The following ZFHX4 variants were observed in gnomAD, a reference collection of about 807,000 sequenced individuals.
The protein encoded by ZFHX4 is zinc finger homeobox 4, also known as zinc finger homeobox protein 4.
Under a neutral mutation model 267.6 loss-of-function variants are expected in ZFHX4, and 56 were observed. That is an observed-to-expected ratio of 0.21 (90% CI 0.17 to 0.26). The LOEUF is 0.26. ZFHX4 is among the 10% of genes least tolerant of loss of function. ZFHX4 has a pLI of 1.00. For synonymous variants in ZFHX4, 1,778 were observed against 1,665.6 expected (o/e 1.07, Z -1.64); for missense variants, 4,332 against 4,420.0 (o/e 0.98, Z 0.56).
intron 1 of ZFHX4, among the ~76,000 whole-genome samples, chr8:76,697,483 C>T (rs894650221): frequency 2.0e-5 from 3 of 151,978 alleles, no homozygotes; most frequent in African/African-American, 4.8e-5. Context: ...TAGTCAGTTA[C>T]ATCTTAAAGA....
chr8:76,820,308 A>G (rs1377694411), intron 4 of ZFHX4, among the ~76,000 whole-genome samples: 1 of 151,972 alleles, frequency 6.6e-6, no homozygotes, highest in Admixed American at 6.6e-5. Flanking sequence ...TTACTTTTGA[A>G]TTCTGGTAAT....
intron 3 of ZFHX4, among the ~76,000 whole-genome samples, chr8:76,730,945 A>G (rs1808993424): frequency 6.6e-6 from 1 of 152,212 alleles, no homozygotes; most frequent in African/African-American, 2.4e-5. Flanking sequence ...GCAGTTGTAC[A>G]GATTAGGAAA....
chr8:76,849,243 C>A, intron 7 of ZFHX4, 115 bp downstream of exon 7: 1 of 1,212,046 alleles, frequency 8.3e-7, no homozygotes, highest in Non-Finnish European at 1.1e-6. Context: ...TTGCAATTGG[C>A]AATGTAACTC....
intron 10 of ZFHX4, among the ~76,000 whole-genome samples, chr8:76,857,950 C>T (rs1237617107): frequency 2.0e-5 from 3 of 151,224 alleles, no homozygotes; most frequent in Non-Finnish European, 4.4e-5. Flanking sequence ...TTTCTGTGAT[C>T]AGTTAAGTAA....
chr8:76,811,155 C>A (rs1209822486), intron 4 of ZFHX4, among the ~76,000 whole-genome samples: 1 of 152,178 alleles, frequency 6.6e-6, no homozygotes, highest in Non-Finnish European at 1.5e-5. Flanking sequence ...GTCTCTGCCA[C>A]TCCAGGATCA....
rs770413497 is a variant in ZFHX4, at chr8:76,864,035, C to T, written c.10321C>T (p.Arg3441Cys). The change falls in exon 11 of 11, where the codon CGT (arginine) becomes TGT (cysteine). Residue 3441 changes from arginine to cysteine, a missense_variant. Physicochemically the swap from Arg to Cys is radical, Grantham distance 180. This residue lies in a region of ZFHX4 where 1,648 missense variants were observed against 1,625.0 expected (regional missense o/e 1.01). Coordinates refer to ENST00000651372, the MANE Select transcript of ZFHX4 (RefSeq NM_024721.5). Reference sequence around the variant, plus strand: ...GATTGACCCACAAGAGACAGTGCTTCGTGTCCCAGTCAGCAAATATCAGTG... The same window carrying T: ...GATTGACCCACAAGAGACAGTGCTTTGTGTCCCAGTCAGCAAATATCAGTG... The part of the protein sequence containing the change: ...PLIDPQETVL[R>C]VPVSKYQCLA... 1.1e-5 allele frequency: 18 copies of T among 1,613,842 alleles called. No individual in the cohort carries two copies. The highest frequency in any genetic ancestry group is 1.4e-5 in the Non-Finnish European group (17 of 1,179,858).
At chr8:76,689,187 C>T (rs543054224) in intron 1 of ZFHX4, among the ~76,000 whole-genome samples, 7 of 152,040 alleles carry the variant, frequency 4.6e-5, no homozygotes, top group African/African-American at 1.7e-4. Context: ...CTTTTACATG[C>T]AGAAGGGCTT....
chr8:76,747,994 A>G (rs1362741766), intron 3 of ZFHX4, among the ~76,000 whole-genome samples: 1 of 152,142 alleles, frequency 6.6e-6, no homozygotes, highest in Non-Finnish European at 1.5e-5. Context: ...CTGTTTCTGT[A>G]TCTTCCTTCT....
At position 76,855,286 on chromosome 8, in the gene ZFHX4, G is replaced by A; in HGVS notation, c.8365G>A (p.Ala2789Thr). ...EDVENLNAPP[A>T]EAGYDQNKTD... ...TGTAGAGAATTTAAATGCCCCTCCTGCTGAGGCTGGGTATGATCAAAATAA... is the reference window on the plus strand; with the variant it reads ...TGTAGAGAATTTAAATGCCCCTCCTACTGAGGCTGGGTATGATCAAAATAA... The change falls in exon 10 of 11, where the codon GCT becomes ACT. Residue 2789 changes from alanine (A) to threonine (T), a missense_variant. Ala to Thr is a moderately conservative substitution (Grantham distance 58). Coordinates refer to ENST00000651372, the MANE Select transcript of ZFHX4 (RefSeq NM_024721.5). 1.2e-6 allele frequency: 2 copies of A among 1,612,956 alleles called. No homozygotes were observed. Among genetic ancestry groups the A allele is most frequent in the Non-Finnish European group, 1.7e-6 (2 of 1,179,604 alleles).
rs1586008832 is a variant in ZFHX4 at position 76,850,746 on chromosome 8, C to G, written c.3965-140C>G. ...CCAGTACCCAGTCCAGTGCTTGCCACATAGTAGTTGCTCAGTAAACATTTA... is the reference window on the plus strand; with the variant it reads ...CCAGTACCCAGTCCAGTGCTTGCCAGATAGTAGTTGCTCAGTAAACATTTA... On this transcript the variant is annotated intron_variant, in intron 9 of 10. Transcript: ENST00000651372. 5 of 1,053,830 alleles carry G rather than the reference C, an allele frequency of 4.7e-6. No individual in the cohort carries two copies. The East Asian group carries it at 1.1e-4, about 23-fold the overall frequency. 65.3% of individuals were successfully genotyped at this position (1,053,830 alleles called of 1,614,324 possible).
At chr8:76,691,036 T>A (rs1041292897) in intron 1 of ZFHX4, among the ~76,000 whole-genome samples, 2 of 152,040 alleles carry the variant, frequency 1.3e-5, no homozygotes, top group Non-Finnish European at 2.9e-5. Context: ...GGCAGGAAAA[T>A]GTTGAGACAA....
At chr8:76,756,064 A>T (rs1809753102) in intron 3 of ZFHX4, among the ~76,000 whole-genome samples, 1 of 152,202 alleles carries the variant, frequency 6.6e-6, no homozygotes, top group Non-Finnish European at 1.5e-5. Flanking sequence ...TGAAGAAATC[A>T]TCAAAGAAGA....
chr8:76,850,350 G>A lies in ZFHX4; in HGVS notation c.3952G>A (p.Gly1318Arg). 6.2e-7 allele frequency: 1 copy of A among 1,611,128 alleles called. No homozygotes were observed. The highest frequency in any genetic ancestry group is 1.1e-5 in the South Asian group (1 of 90,244). Residue 1318 changes from glycine to arginine, a missense_variant, in exon 9 of 11, where the codon GGG becomes AGG. Gly to Arg is a moderately radical substitution (Grantham distance 125). This residue lies in a region of ZFHX4 where 1,371 missense variants were observed against 1,423.1 expected (regional missense o/e 0.96). Transcript: ENST00000651372. ...TPAAVTAEGS[G>R]KYSGESPMDD... is the part of the protein sequence containing the mutation. Reference sequence around the variant, plus strand: ...TGCAGCCGTGACAGCTGAGGGGTCTGGGAAATATTCAGGTATGCCATCTTA... The same window carrying A: ...TGCAGCCGTGACAGCTGAGGGGTCTAGGAAATATTCAGGTATGCCATCTTA...
In ZFHX4 at chr8:76,681,344, C is replaced by T. The variant is rs1807522995; in HGVS notation, c.-323C>T. 1 of 398,842 alleles carries T rather than the reference C, an allele frequency of 2.5e-6. No individual in the cohort carries two copies. Among genetic ancestry groups the T allele is most frequent in the Non-Finnish European group, 4.4e-6 (1 of 226,062 alleles). The allele number at this position is 398,842 out of a possible 1,614,324, so 24.7% of individuals were successfully genotyped here. On this transcript the variant is annotated 5_prime_UTR_variant, in exon 1 of 11. Transcript: ENST00000651372. Reference sequence around the variant, plus strand: ...ATAAAGACATATCGGATTTTCATTTCCTTTCCTCCTTTTCCCAACCCCTTC... The same window carrying T: ...ATAAAGACATATCGGATTTTCATTTTCTTTCCTCCTTTTCCCAACCCCTTC...
intron 4 of ZFHX4, among the ~76,000 whole-genome samples, chr8:76,832,936 T>C (rs1811974046): frequency 6.6e-6 from 1 of 152,190 alleles, no homozygotes; most frequent in Admixed American, 6.6e-5. Flanking sequence ...AGTAATGATA[T>C]TTTTTCTTTT....
chr8:76,766,473 G>T (rs1810054104), intron 3 of ZFHX4, among the ~76,000 whole-genome samples: 1 of 151,934 alleles, frequency 6.6e-6, no homozygotes. Context: ...TTAAATATAT[G>T]AATATTATTT....
intron 3 of ZFHX4, among the ~76,000 whole-genome samples, chr8:76,754,273 A>T (rs1809704372): frequency 6.6e-6 from 1 of 152,100 alleles, no homozygotes; most frequent in African/African-American, 2.4e-5. Flanking sequence ...GGATTGCCTG[A>T]GGTTAGGAGT....
Position 76,706,554 on chromosome 8 carries a change from G to T in ZFHX4, c.2466G>T (p.Gln822His). Residue 822 changes from glutamine (Q) to histidine (H), a missense_variant, in exon 2 of 11, where the codon CAG becomes CAT. By Grantham distance (24) the Gln-to-His change is conservative. Transcript: ENST00000651372. ...CCCCGGCGGAAGCAGAGCTTTATCA[G>T]TACTACCTAGCCCAGAACATAGGCC... ...GLAPAEAELY[Q>H]YYLAQNIGLT... 1 of 1,612,668 alleles carries T rather than the reference G, an allele frequency of 6.2e-7. No homozygotes were observed. The highest frequency in any genetic ancestry group is 8.5e-7 in the Non-Finnish European group (1 of 1,179,472).
rs751140518 is a variant in ZFHX4 at position 76,705,025 on chromosome 8, C to T, written c.937C>T (p.Leu313Phe). ...CCTCAATGACGAGGAGCAGAAGCTC[C>T]TCAGTAATAAATGCGTCTCCGCCAT... The part of the protein sequence containing the change: ...MTLNDEEQKL[L>F]SNKCVSAIIQ... The change falls in exon 2 of 11, where the codon CTC becomes TTC. Residue 313 changes from leucine (L) to phenylalanine (F), a missense_variant. By Grantham distance (22) the Leu-to-Phe change is conservative. Around this residue, in one of 7 missense-constraint regions of ZFHX4, gnomAD observed 1,195 missense variants for 1,173.6 expected, o/e 1.02. Transcript: ENST00000651372. The T allele has an allele frequency of 3.7e-6, 6 of 1,613,810 alleles. No individual in the cohort carries two copies. Among genetic ancestry groups the T allele is most frequent in the Non-Finnish European group, 5.1e-6 (6 of 1,179,882 alleles).
Sources: allele counts gnomAD v4.1 joint callset (sites outside exome capture counted in the v4.1 genomes callset), GRCh38; gene constraint gnomAD v4.1.1; regional missense constraint gnomAD v4.1.1; transcripts MANE v1.5; gene names NCBI Gene and HGNC (gene_info 2026-07-23, HGNC 2026-07-21).